Variants in TANK observed in about 807,000 individuals in gnomAD.
TANK encodes the protein TRAF family member associated NFKB activator, also known as TRAF family member-associated NF-kappa-B activator.
Under a neutral mutation model 43.6 loss-of-function variants are expected in TANK, and 15 were observed. The observed-to-expected ratio is 0.34, with a 90% CI of 0.23 to 0.53. The LOEUF is 0.53. Ranked by LOEUF, TANK falls within the 20% of genes least tolerant of loss-of-function variation. The pLI is 0.94. For synonymous variants in TANK, 162 were observed against 178.2 expected, an observed-to-expected ratio of 0.91 and a Z score of 0.73; for missense variants, 417 against 498.6, an observed-to-expected ratio of 0.84 and a Z score of 1.56.
intron 3 of TANK, 125 bp downstream of exon 3, chr2:161,203,720 A>G (rs1243271114): frequency 9.9e-6 from 6 of 604,576 alleles, no homozygotes; most frequent in Non-Finnish European, 1.7e-5. Context: ...ACTGTGGTAC[A>G]GTTATATGTT....
chr2:161,186,718 AAACAATC>A (rs1440655162), intron 2 of TANK, among the ~76,000 whole-genome samples: 2 of 152,238 alleles, frequency 1.3e-5, no homozygotes, highest in African/African-American at 4.8e-5. Context: ...ACAACAAAAG[AAACAATC>A]AACAAAGTAC....
At chr2:161,155,014 G>A (rs1684186511) in intron 1 of TANK, among the ~76,000 whole-genome samples, 1 of 151,834 alleles carries the variant, frequency 6.6e-6, no homozygotes, top group South Asian at 2.1e-4. Context: ...CAAAGTGATG[G>A]GATTACAGGT....
chr2:161,154,823 C>A (rs904363182), intron 1 of TANK, among the ~76,000 whole-genome samples: 2 of 151,652 alleles, frequency 1.3e-5, no homozygotes, highest in African/African-American at 4.9e-5. Flanking sequence ...CAGGTCACTG[C>A]AACCTCCGCC....
At chr2:161,168,919 A>T (rs1018394049) in intron 1 of TANK, among the ~76,000 whole-genome samples, 1 of 152,234 alleles carries the variant, frequency 6.6e-6, no homozygotes, top group Non-Finnish European at 1.5e-5. Context: ...AATTCTGAGG[A>T]AAAATTACTT....
At chr2:161,148,423 C>G (rs141294341) in intron 1 of TANK, among the ~76,000 whole-genome samples, 1 of 152,108 alleles carries the variant, frequency 6.6e-6, no homozygotes, top group Admixed American at 6.5e-5. Flanking sequence ...ATTCTAGATT[C>G]TAGCCCCTTA....
chr2:161,160,379 C>T (rs1286335052), upstream of TANK: 2 of 1,218,386 alleles, frequency 1.6e-6, no homozygotes, highest in African/African-American at 3.1e-5. Flanking sequence ...GCTCCGCGCG[C>T]AGGCACTGCC....
intron 4 of TANK, among the ~76,000 whole-genome samples, chr2:161,220,329 G>A (rs1225523114): frequency 6.6e-6 from 1 of 152,146 alleles, no homozygotes; most frequent in East Asian, 1.9e-4. Flanking sequence ...TCAGCTGGGC[G>A]CGGTGGCTCA....
chr2:161,167,458 T>G (rs1048283279), intron 1 of TANK, among the ~76,000 whole-genome samples: 2 of 152,162 alleles, frequency 1.3e-5, no homozygotes, highest in Non-Finnish European at 2.9e-5. Context: ...GACAACAGAC[T>G]TAAGATATTG....
chr2:161,226,082 C>G (rs1488557970), intron 6 of TANK, among the ~76,000 whole-genome samples: 1 of 152,060 alleles, frequency 6.6e-6, no homozygotes, highest in African/African-American at 2.4e-5. Flanking sequence ...GATGTAGTAC[C>G]TAGAATTCAT....
At chr2:161,192,272 A>G (rs1379395216) in intron 2 of TANK, among the ~76,000 whole-genome samples, 1 of 152,074 alleles carries the variant, frequency 6.6e-6, no homozygotes, top group African/African-American at 2.4e-5. Context: ...CATATTCACC[A>G]TTTTTTCTCA....
chr2:161,183,929 G>C (rs1326089049), intron 2 of TANK, among the ~76,000 whole-genome samples: 1 of 152,024 alleles, frequency 6.6e-6, no homozygotes, highest in Non-Finnish European at 1.5e-5. Context: ...TTACTATAGT[G>C]TATTTTGTAC....
chr2:161,221,361 C>T (rs1687331028), intron 4 of TANK, among the ~76,000 whole-genome samples: 1 of 152,090 alleles, frequency 6.6e-6, no homozygotes, highest in Non-Finnish European at 1.5e-5. Flanking sequence ...CTTCATCTTC[C>T]TGCAGTACAG....
chr2:161,228,435 G>A (rs1687740602), intron 6 of TANK, among the ~76,000 whole-genome samples: 1 of 152,216 alleles, frequency 6.6e-6, no homozygotes, highest in African/African-American at 2.4e-5. Flanking sequence ...GGAGGCTGAG[G>A]CAGGAGAATC....
intron 2 of TANK, chr2:161,197,376 G>A (rs745923203): frequency 1.5e-4 from 23 of 152,044 alleles, no homozygotes; most frequent in African/African-American, 5.1e-4. Context: ...CTGATTTCTC[G>A]TGAAGAAACA....
intron 1 of TANK, among the ~76,000 whole-genome samples, chr2:161,173,076 C>T (rs1442059778): frequency 1.3e-5 from 2 of 152,250 alleles, no homozygotes; most frequent in East Asian, 3.9e-4. Flanking sequence ...TCGAGGTCTA[C>T]TATAGTCTAG....
At chr2:161,161,205 C>G in intron 1 of TANK, 2 of 1,515,714 alleles carry the variant, frequency 1.3e-6, no homozygotes, top group Non-Finnish European at 1.8e-6. Flanking sequence ...CAAAGAAGAG[C>G]TGTGCCTTTA....
chr2:161,173,979 G>C (rs1685068440), intron 1 of TANK, among the ~76,000 whole-genome samples: 1 of 152,120 alleles, frequency 6.6e-6, no homozygotes, highest in South Asian at 2.1e-4. Context: ...ACACCCATTT[G>C]CCAATGACTA....
chr2:161,232,795 C>T lies in TANK; in HGVS notation c.1101+1244C>T, dbSNP rs926695213. The T allele has an allele frequency of 3.2e-6, 5 of 1,550,344 alleles. No homozygotes were observed. The African/African-American group carries it at 5.5e-5, about 17-fold the overall frequency. On this transcript the variant is annotated intron_variant, in intron 7 of 7. Transcript: ENST00000392749. ...TGTACATTTGCTTTCTATACTACAGCAAGGGAAACAGCTGGTATGTGATTA... is the reference window on the plus strand; with the variant it reads ...TGTACATTTGCTTTCTATACTACAGTAAGGGAAACAGCTGGTATGTGATTA...
In TANK at chr2:161,205,028, T is replaced by A. The variant is rs943826522; in HGVS notation, c.327+235T>A. 6 of 1,194,458 alleles carry A rather than the reference T, an allele frequency of 5.0e-6. No homozygotes were observed. In the African/African-American group the frequency reaches 9.8e-5, roughly 19 times the overall value. The allele number at this position is 1,194,458 out of a possible 1,614,324, so 74.0% of individuals were successfully genotyped here. ...ACAAGCATTTCAACAAAGAAAACAT[T>A]TAACAAAGAAATAGGGCTGGACACA... On this transcript the variant is annotated intron_variant, in intron 4 of 7. Coordinates refer to ENST00000392749, the MANE Select transcript of TANK (RefSeq NM_001199135.3).
Sources: gnomAD v4.1 joint callset for allele counts (sites outside exome capture counted in the v4.1 genomes callset) on GRCh38, gnomAD v4.1.1 for gene constraint, MANE v1.5 for transcripts, NCBI Gene and HGNC (gene_info 2026-07-23, HGNC 2026-07-21) for gene names.